TAFA2: variants seen among roughly 807,000 people sequenced by gnomAD.
The protein encoded by TAFA2 is TAFA chemokine like family member 2, also known as chemokine-like protein TAFA-2.
Under a neutral mutation model 18.8 loss-of-function variants are expected in TAFA2, and 7 were observed. That is an observed-to-expected ratio of 0.37 (90% CI 0.21 to 0.70). TAFA2 has a LOEUF of 0.70. Ranked by LOEUF, TAFA2 falls within the 30% of genes least tolerant of loss-of-function variation. TAFA2 has a pLI of 0.53. For missense variants in TAFA2, 122 were observed against 158.1 expected, an observed-to-expected ratio of 0.77 and a Z score of 1.23; for synonymous variants, 60 against 54.2, an observed-to-expected ratio of 1.11 and a Z score of -0.47.
intron 1 of TAFA2, among the ~76,000 whole-genome samples, chr12:61,869,312 T>C (rs1157989108): frequency 6.6e-6 from 1 of 152,180 alleles, no homozygotes; most frequent in Non-Finnish European, 1.5e-5. Flanking sequence ...ACGAAGATAA[T>C]AATATGTACC....
intron 1 of TAFA2, among the ~76,000 whole-genome samples, chr12:62,136,841 TG>T (rs1345714075): frequency 2.0e-5 from 3 of 152,180 alleles, no homozygotes; most frequent in Non-Finnish European, 4.4e-5. Flanking sequence ...TGGTAATGTT[TG>T]GGGGGACATG....
At chr12:61,978,676 T>C (rs956661841) in intron 1 of TAFA2, among the ~76,000 whole-genome samples, 1 of 151,912 alleles carries the variant, frequency 6.6e-6, no homozygotes, top group Admixed American at 6.6e-5. Flanking sequence ...AAAATGTAGA[T>C]TTCAGGGCCT....
intron 2 of TAFA2, among the ~76,000 whole-genome samples, chr12:61,815,657 C>T (rs1293733233): frequency 1.4e-5 from 2 of 147,216 alleles, no homozygotes; most frequent in Non-Finnish European, 3.0e-5. Context: ...AGCAAGACTC[C>T]GTCTAAAAAA....
intron 2 of TAFA2, among the ~76,000 whole-genome samples, chr12:61,786,669 C>T (rs547359023): frequency 3.6e-4 from 55 of 151,186 alleles, no homozygotes; most frequent in Non-Finnish European, 7.2e-4. Flanking sequence ...GGGATGAAAA[C>T]TACAATGTAT....
intron 1 of TAFA2, among the ~76,000 whole-genome samples, chr12:62,075,206 A>T (rs549643453): frequency 6.6e-6 from 1 of 152,348 alleles, no homozygotes; most frequent in Admixed American, 6.5e-5. Flanking sequence ...TATATTATTT[A>T]ATATGTAAAT....
intron 4 of TAFA2, among the ~76,000 whole-genome samples, chr12:61,746,097 T>A (rs1220273763): frequency 6.6e-6 from 1 of 152,074 alleles, no homozygotes; most frequent in Non-Finnish European, 1.5e-5. Context: ...GTAATCCCTA[T>A]AATCCCCACA....
intron 2 of TAFA2, among the ~76,000 whole-genome samples, chr12:61,830,161 C>T (rs1376176281): frequency 6.7e-6 from 1 of 150,252 alleles, no homozygotes; most frequent in Non-Finnish European, 1.5e-5. Flanking sequence ...CCAATGGATC[C>T]AATGAATGAT....
intron 4 of TAFA2, among the ~76,000 whole-genome samples, chr12:61,711,847 C>A (rs962449311): frequency 6.6e-6 from 1 of 151,794 alleles, no homozygotes; most frequent in Non-Finnish European, 1.5e-5. Flanking sequence ...ACATGAAGAG[C>A]CTACTGAATC....
rs185070382 is a variant in TAFA2, at chr12:62,012,786, C to T, written c.-1-145360G>A. On this transcript the variant is annotated intron_variant, in intron 1 of 4. Coordinates refer to ENST00000416284, the MANE Select transcript of TAFA2 (RefSeq NM_178539.5). ...TACTAAATATTCCACAAATAACACA[C>T]TCAGAAGAAAAAAAATAAAATTCTA... Among the ~76,000 whole-genome samples, 4 of 152,188 alleles carry T rather than the reference C, an allele frequency of 2.6e-5. No individual in the cohort carries two copies. The East Asian group carries it at 5.8e-4, about 22-fold the overall frequency.
At chr12:61,800,062 T>C (rs947304503) in intron 2 of TAFA2, among the ~76,000 whole-genome samples, 1 of 152,180 alleles carries the variant, frequency 6.6e-6, no homozygotes, top group African/African-American at 2.4e-5. Flanking sequence ...TTTATATGAC[T>C]AATAACTAAC....
intron 2 of TAFA2, among the ~76,000 whole-genome samples, chr12:61,850,120 T>C (rs1298344665): frequency 2.0e-5 from 3 of 152,050 alleles, no homozygotes; most frequent in Admixed American, 6.6e-5. Context: ...ATCACAGATA[T>C]ACATACAGCA....
At chr12:62,119,892 G>A (rs10877795) in intron 1 of TAFA2, among the ~76,000 whole-genome samples, 22,739 of 151,850 alleles carry the variant, frequency 0.15, 1,809 homozygotes, top group East Asian at 0.31. Flanking sequence ...TGACCAACAT[G>A]GAGAAACCCT....
intron 1 of TAFA2, among the ~76,000 whole-genome samples, chr12:61,918,410 T>C (rs891182512): frequency 3.3e-5 from 5 of 152,128 alleles, no homozygotes; most frequent in Non-Finnish European, 7.3e-5. Flanking sequence ...AAATGTGAAG[T>C]TTGTCTTTCT....
chr12:62,245,268 C>T (rs1365197596), intron 1 of TAFA2, among the ~76,000 whole-genome samples: 4 of 151,962 alleles, frequency 2.6e-5, no homozygotes, highest in Non-Finnish European at 4.4e-5. Flanking sequence ...GTAATGGAAC[C>T]TCTGTTATAT....
chr12:61,936,215 T>C (rs12306635), intron 1 of TAFA2, among the ~76,000 whole-genome samples: 6,120 of 152,046 alleles, frequency 0.04, 414 homozygotes, highest in African/African-American at 0.14. Flanking sequence ...ATAAACAGAA[T>C]TAAAAACAAA....
intron 2 of TAFA2, among the ~76,000 whole-genome samples, chr12:61,808,996 A>ATTTCTAAGTCTAGAAATAGACTTTTT (rs1565641606): frequency 6.6e-6 from 1 of 151,606 alleles, no homozygotes; most frequent in Non-Finnish European, 1.5e-5. Flanking sequence ...CATAACCACC[A>ATTTCTAAGTCTAGAAATAGACTTTTT]TTTCTAAGTC....
At chr12:62,183,181 G>A (rs781603631) in intron 1 of TAFA2, among the ~76,000 whole-genome samples, 108 of 152,286 alleles carry the variant, frequency 7.1e-4, no homozygotes, top group Middle Eastern at 3.4e-3. Context: ...CTTATAAGAA[G>A]AGACATGAGA....
intron 4 of TAFA2, among the ~76,000 whole-genome samples, chr12:61,753,092 G>A (rs1869095736): frequency 6.6e-6 from 1 of 151,648 alleles, no homozygotes; most frequent in African/African-American, 2.4e-5. Context: ...TATTGATCTT[G>A]AGAATCTGAA....
chr12:61,888,016 A>G (rs975555136), intron 1 of TAFA2, among the ~76,000 whole-genome samples: 19 of 152,038 alleles, frequency 1.2e-4, no homozygotes, highest in Non-Finnish European at 2.4e-4. Context: ...AATGCAAATC[A>G]AAACCACAAT....
Sources: gnomAD v4.1 joint callset for allele counts (sites outside exome capture counted in the v4.1 genomes callset) on GRCh38, gnomAD v4.1.1 for gene constraint, MANE v1.5 for transcripts, NCBI Gene and HGNC (gene_info 2026-07-23, HGNC 2026-07-21) for gene names.